Variants in CCDC171 observed in about 807,000 individuals in gnomAD.
The protein encoded by CCDC171 is coiled-coil domain-containing protein 171.
CCDC171 carries 177 observed loss-of-function variants against 168.2 expected under a neutral mutation model. That is an observed-to-expected ratio of 1.05 (90% CI 0.93 to 1.19). The LOEUF is 1.19. CCDC171 is among the 50% of genes most tolerant of loss of function. The pLI, the probability that CCDC171 is intolerant of heterozygous loss-of-function variation, is 0.00. For synonymous variants in CCDC171, 687 were observed against 540.8 expected (o/e 1.27, Z -3.75); for missense variants, 1,991 against 1,539.0 (o/e 1.29, Z -4.91).
At chr9:15,786,701 G>A (rs950181817) in intron 21 of CCDC171, among the ~76,000 whole-genome samples, 1 of 152,098 alleles carries the variant, frequency 6.6e-6, no homozygotes, top group Non-Finnish European at 1.5e-5. Flanking sequence ...CACAAAAGAA[G>A]TGAAACAGCC....
intron 9 of CCDC171, among the ~76,000 whole-genome samples, chr9:15,676,821 G>C (rs2049608125): frequency 6.6e-6 from 1 of 152,100 alleles, no homozygotes; most frequent in Non-Finnish European, 1.5e-5. Flanking sequence ...GAAGTCAGTT[G>C]AATCCTGATC....
chr9:15,733,948 AT>A (rs1026200905), intron 16 of CCDC171, among the ~76,000 whole-genome samples: 29 of 151,922 alleles, frequency 1.9e-4, no homozygotes, highest in African/African-American at 5.6e-4. Flanking sequence ...TATTTTTAAA[AT>A]TTTTTTGTAG....
chr9:15,736,981 A>G (rs776778481), intron 16 of CCDC171, among the ~76,000 whole-genome samples: 14 of 152,106 alleles, frequency 9.2e-5, no homozygotes, highest in Non-Finnish European at 1.6e-4. Flanking sequence ...GTGATTCTTG[A>G]TTAATGTTTA....
intron 23 of CCDC171, among the ~76,000 whole-genome samples, chr9:15,863,258 C>T (rs537850810): frequency 7.2e-5 from 11 of 151,900 alleles, no homozygotes; most frequent in Non-Finnish European, 1.5e-4. Flanking sequence ...GTGGGGATTA[C>T]GATTAGAGAG....
the CCDC171 span, among the ~76,000 whole-genome samples, chr9:16,078,577 G>A: frequency 6.6e-6 from 1 of 152,104 alleles, no homozygotes; most frequent in Admixed American, 6.6e-5. Context: ...CAGATACCAG[G>A]GGTCAATCTT....
chr9:15,571,526 C>G (rs2040220521), intron 2 of CCDC171, 98 bp from the exon 3 acceptor site: 2 of 1,005,976 alleles, frequency 2.0e-6, no homozygotes, highest in Non-Finnish European at 1.4e-6. Context: ...GTCATGTTCT[C>G]TTTGTTTTTT....
At chr9:15,622,432 C>T (rs926413091) in intron 6 of CCDC171, among the ~76,000 whole-genome samples, 4 of 152,152 alleles carry the variant, frequency 2.6e-5, no homozygotes, top group Non-Finnish European at 4.4e-5. Context: ...TTGTAACATA[C>T]TCAGATTCTA....
At chr9:15,886,588 A>G (rs927847650) in intron 24 of CCDC171, 6 of 152,184 alleles carry the variant, frequency 3.9e-5, no homozygotes, top group African/African-American at 1.4e-4. Context: ...TAGAACTACC[A>G]TATGATCCAG....
At chr9:15,837,014 C>T (rs1328590880) in intron 21 of CCDC171, among the ~76,000 whole-genome samples, 1 of 152,190 alleles carries the variant, frequency 6.6e-6, no homozygotes, top group Non-Finnish European at 1.5e-5. Flanking sequence ...ATTTTAACAT[C>T]TGCAACCCTC....
chr9:15,674,580 A>T (rs1401392785), intron 9 of CCDC171, among the ~76,000 whole-genome samples: 1 of 152,176 alleles, frequency 6.6e-6, no homozygotes, highest in Non-Finnish European at 1.5e-5. Context: ...CATTGGTCTC[A>T]AATAACATCT....
chr9:15,950,758 A>G (rs1199975656), intron 25 of CCDC171, among the ~76,000 whole-genome samples: 1 of 152,060 alleles, frequency 6.6e-6, no homozygotes, highest in Non-Finnish European at 1.5e-5. Context: ...GACAGGATCA[A>G]ATTCACACAT....
chr9:15,810,452 G>A (rs1057375306), intron 21 of CCDC171, among the ~76,000 whole-genome samples: 1 of 149,634 alleles, frequency 6.7e-6, no homozygotes, highest in Non-Finnish European at 1.5e-5. Context: ...GCAGGGGGTG[G>A]CGCCTGTCGG....
intron 4 of CCDC171, among the ~76,000 whole-genome samples, chr9:15,579,385 C>G (rs567153586): frequency 6.6e-6 from 1 of 152,304 alleles, no homozygotes; most frequent in African/African-American, 2.4e-5. Flanking sequence ...ATCCAAATCT[C>G]TAGCTTGAGA....
chr9:15,637,860 A>C (rs1169083024), intron 7 of CCDC171, among the ~76,000 whole-genome samples: 3 of 151,974 alleles, frequency 2.0e-5, no homozygotes, highest in Non-Finnish European at 4.4e-5. Flanking sequence ...TTCTTAATCC[A>C]GTCTATCCTT....
intron 6 of CCDC171, among the ~76,000 whole-genome samples, chr9:16,023,792 G>A (rs780918852): frequency 7.9e-5 from 12 of 151,956 alleles, no homozygotes; most frequent in Non-Finnish European, 1.6e-4. Flanking sequence ...CACAGCTGAG[G>A]TTTTCTGGTG....
At chr9:15,841,610 A>G (rs1189349753) in intron 21 of CCDC171, among the ~76,000 whole-genome samples, 1 of 152,030 alleles carries the variant, frequency 6.6e-6, no homozygotes. Flanking sequence ...AATTTAAATT[A>G]CATAACTTTG....
chr9:15,645,454 A>G (rs551777594), intron 7 of CCDC171, among the ~76,000 whole-genome samples: 1 of 152,198 alleles, frequency 6.6e-6, no homozygotes. Context: ...GCTCTGAGCT[A>G]AAGGAGGATG....
chr9:15,649,905 A>G (rs1017829507), intron 7 of CCDC171, among the ~76,000 whole-genome samples: 7 of 152,208 alleles, frequency 4.6e-5, no homozygotes, highest in African/African-American at 1.7e-4. Flanking sequence ...CTGGGTATAC[A>G]CCCAAAGGAT....
chr9:15,742,043 T>G (rs1185631536), intron 16 of CCDC171, among the ~76,000 whole-genome samples: 1 of 151,848 alleles, frequency 6.6e-6, no homozygotes, highest in African/African-American at 2.4e-5. Context: ...GTTGCTAGTT[T>G]GCCTCTTGTA....
Sources: allele counts gnomAD v4.1 joint callset (sites outside exome capture counted in the v4.1 genomes callset), GRCh38; gene constraint gnomAD v4.1.1; transcripts MANE v1.5; gene names NCBI Gene and HGNC (gene_info 2026-07-23, HGNC 2026-07-21).